MTBP: variants seen among roughly 807,000 people sequenced by gnomAD.
MTBP encodes the protein MDM2 binding protein, also known as mdm2-binding protein.
MTBP carries 101 observed loss-of-function variants against 117.0 expected under a neutral mutation model. That is an observed-to-expected ratio of 0.86 (90% CI 0.73 to 1.02). The LOEUF (loss-of-function observed/expected upper bound fraction) is 1.02, where lower values mean the gene tolerates loss of function less well. Among genes scored for constraint, MTBP ranks in the 50% least tolerant of loss-of-function variants. MTBP has a pLI of 0.00. For synonymous variants in MTBP, 350 were observed against 351.5 expected (o/e 1.00, Z 0.05); for missense variants, 970 against 1,030.9 (o/e 0.94, Z 0.81).
At chr8:120,468,667 G>A (rs770067745) in intron 10 of MTBP, among the ~76,000 whole-genome samples, 1 of 151,798 alleles carries the variant, frequency 6.6e-6, no homozygotes, top group Non-Finnish European at 1.5e-5. Flanking sequence ...GAAGAATTGG[G>A]CCCTTTCTGT....
chr8:120,517,731 G>T (rs941357054), intron 18 of MTBP, 120 bp from the exon 19 acceptor site: 2 of 988,652 alleles, frequency 2.0e-6, no homozygotes, highest in Admixed American at 5.3e-5. Context: ...TGGTAAGACA[G>T]AAAATGAACT....
At chr8:120,491,625 G>T (rs907861651) in intron 13 of MTBP, among the ~76,000 whole-genome samples, 1 of 152,136 alleles carries the variant, frequency 6.6e-6, no homozygotes, top group Non-Finnish European at 1.5e-5. Flanking sequence ...GTTATAAAAT[G>T]TTTATTTCAG....
chr8:120,455,661 C>A, intron 6 of MTBP, 82 bp downstream of exon 6: 1 of 1,342,866 alleles, frequency 7.4e-7, no homozygotes. Flanking sequence ...TCAGACTCAG[C>A]GTTTGAAAAT....
At chr8:120,510,216 ATCAG>A (rs1814771679) in intron 17 of MTBP, among the ~76,000 whole-genome samples, 187 bp downstream of exon 17, 1 of 152,248 alleles carries the variant, frequency 6.6e-6, no homozygotes, top group East Asian at 1.9e-4. Flanking sequence ...TTGATGATTA[ATCAG>A]CTTAATAGCA....
chr8:120,492,199 A>T (rs939532786), intron 13 of MTBP, among the ~76,000 whole-genome samples: 2 of 152,170 alleles, frequency 1.3e-5, no homozygotes, highest in African/African-American at 4.8e-5. Context: ...GATCCAGTTA[A>T]TCTATTTATG....
rs573328445 is a variant in MTBP at position 120,520,232 on chromosome 8, G to A, written c.2610+1415G>A. 1.1e-4 allele frequency among the ~76,000 whole-genome samples: 16 copies of A among 152,052 alleles called. No homozygotes were observed. In the East Asian group the frequency reaches 1.9e-3, roughly 18 times the overall value. ...TAATTCTCATAGAAAGAAGATAATC[G>A]CATCCATAAAACTAGAACAGGATGC... On this transcript the variant is annotated intron_variant, in intron 20 of 21. Transcript: ENST00000305949.
rs1417089013 is a variant in MTBP at position 120,490,489 on chromosome 8, C to T, written c.1366C>T (p.Pro456Ser). The change falls in exon 13 of 22, where the codon CCA becomes TCA. Residue 456 changes from proline to serine, a missense_variant. Transcript: ENST00000305949. ...TTTTCCTTTTGACTTATTATCACTT[C>T]CACATTTTTCTGGGGAGCAGATTGT... ...LSFPFDLLSL[P>S]HFSGEQIVQR... The T allele has an allele frequency of 6.2e-7, 1 of 1,604,628 alleles. No homozygotes were observed. Among genetic ancestry groups the T allele is most frequent in the Admixed American group, 1.7e-5 (1 of 58,424 alleles).
At position 120,498,059 on chromosome 8, in the gene MTBP, T is replaced by A. The variant is rs140190153; in HGVS notation, c.1609+505T>A. The stretch of plus-strand genomic sequence containing the variant: ...TTTCCGCTTTCCTGAGTTCCAGTGT[T>A]GTGATGAATTTGAATAACCTTGTTT... On this transcript the variant is annotated intron_variant, in intron 14 of 21. Transcript: ENST00000305949. Among the ~76,000 whole-genome samples the A allele has an allele frequency of 1.5e-3, 224 of 152,346 alleles. 2 individuals are homozygous for A. Among genetic ancestry groups the A allele is most frequent in the African/African-American group, 5.0e-3 (210 of 41,586 alleles).
intron 7 of MTBP, among the ~76,000 whole-genome samples, chr8:120,458,219 T>C (rs747508445): frequency 6.6e-6 from 1 of 152,200 alleles, no homozygotes; most frequent in Non-Finnish European, 1.5e-5. Context: ...AGGACATAGA[T>C]TCTAGAGTTA....
chr8:120,513,151 A>G (rs1376842416), intron 17 of MTBP, among the ~76,000 whole-genome samples: 2 of 152,038 alleles, frequency 1.3e-5, no homozygotes, highest in Non-Finnish European at 2.9e-5. Context: ...CAGCTAATTA[A>G]ACTCTGCTGT....
Position 120,497,403 on chromosome 8 carries a change from G to A in MTBP, c.1458G>A (p.Lys486=), listed in dbSNP as rs141041366. ...TGATTTGTCTTATAGAAAGACGAAA[G>A]TTGGCAAAGCAGCCTGAAACAGTTT... is the stretch of plus-strand genomic sequence containing the variant. ...LALEECLKRR[K]LAKQPETVSV... The change falls in exon 14 of 22, where the codon AAG becomes AAA. Residue 486 remains lysine, a synonymous_variant. Transcript: ENST00000305949. 527 of 1,604,352 alleles carry A rather than the reference G, an allele frequency of 3.3e-4. 4 individuals carry two copies. The South Asian group carries it at 4.2e-3, about 13-fold the overall frequency.
At chr8:120,488,922 A>G (rs1257455969) in intron 12 of MTBP, among the ~76,000 whole-genome samples, 3 of 152,016 alleles carry the variant, frequency 2.0e-5, no homozygotes, top group Admixed American at 2.0e-4. Context: ...CTTCACACCC[A>G]TGTTTGGTGC....
intron 17 of MTBP, among the ~76,000 whole-genome samples, chr8:120,514,750 G>T (rs1471070067): frequency 6.6e-6 from 1 of 151,984 alleles, no homozygotes; most frequent in Admixed American, 6.6e-5. Context: ...TACATTTCTT[G>T]ACTGCCCTGT....
chr8:120,488,983 G>A (rs1181948225), intron 12 of MTBP, among the ~76,000 whole-genome samples: 2 of 151,416 alleles, frequency 1.3e-5, no homozygotes, highest in African/African-American at 4.8e-5. Flanking sequence ...CTTCACAGGC[G>A]CTTTCCTCAC....
chr8:120,499,444 T>G (rs1403911682), intron 14 of MTBP, among the ~76,000 whole-genome samples: 2 of 152,160 alleles, frequency 1.3e-5, no homozygotes, highest in South Asian at 2.1e-4. Context: ...ATTGAATAAA[T>G]GAAAGAAACT....
At chr8:120,482,151 T>C (rs1426661677) in intron 11 of MTBP, among the ~76,000 whole-genome samples, 1 of 152,110 alleles carries the variant, frequency 6.6e-6, no homozygotes, top group Non-Finnish European at 1.5e-5. Flanking sequence ...AGAGCATCCT[T>C]GGTGGTTCAA....
At chr8:120,468,232 A>G (rs1813740594) in intron 10 of MTBP, among the ~76,000 whole-genome samples, 1 of 152,220 alleles carries the variant, frequency 6.6e-6, no homozygotes, top group African/African-American at 2.4e-5. Flanking sequence ...ATAATAAAGA[A>G]AAATAAGCAT....
intron 15 of MTBP, among the ~76,000 whole-genome samples, chr8:120,503,189 C>A (rs1245742369): frequency 6.6e-6 from 1 of 152,096 alleles, no homozygotes; most frequent in Non-Finnish European, 1.5e-5. Context: ...TTTTTAGCTT[C>A]TCCATGGGTA....
At chr8:120,463,802 TATAC>T (rs1563788217) in intron 10 of MTBP, 41 bp downstream of exon 10, 1 of 1,552,908 alleles carries the variant, frequency 6.4e-7, no homozygotes, top group East Asian at 2.2e-5. Flanking sequence ...TGTTTGTTTT[TATAC>T]TTGCCATTTA....
Sources: allele counts gnomAD v4.1 joint callset (sites outside exome capture counted in the v4.1 genomes callset), GRCh38; gene constraint gnomAD v4.1.1; transcripts MANE v1.5; gene names NCBI Gene and HGNC (gene_info 2026-07-23, HGNC 2026-07-21).